PRTG: variants seen among roughly 807,000 people sequenced by gnomAD.
PRTG encodes immunoglobulin superfamily, DCC subclass, member 5.
A neutral mutation model predicts 122.5 loss-of-function variants in PRTG; 67 were observed. The observed-to-expected ratio is 0.55, with a 90% CI of 0.45 to 0.67. The LOEUF is 0.67. Among genes scored for constraint, PRTG ranks in the 30% least tolerant of loss-of-function variants. The probability of loss-of-function intolerance (pLI) is 0.00; values close to 1 mark genes in which losing one functional copy is unlikely to be tolerated. For synonymous variants in PRTG, 554 were observed against 501.1 expected (o/e 1.11, Z -1.41); for missense variants, 1,435 against 1,415.4 (o/e 1.01, Z -0.22).
intron 2 of PRTG, among the ~76,000 whole-genome samples, chr15:55,730,789 A>G (rs2031204401): frequency 6.6e-6 from 1 of 152,068 alleles, no homozygotes; most frequent in African/African-American, 2.4e-5. Context: ...AACAGAGAGC[A>G]AGACTCTGTC....
intron 2 of PRTG, among the ~76,000 whole-genome samples, chr15:55,700,588 C>T (rs1161316600): frequency 6.6e-6 from 1 of 152,000 alleles, no homozygotes; most frequent in Non-Finnish European, 1.5e-5. Context: ...TGGAGACCAG[C>T]CTGGCCAACA....
intron 11 of PRTG, among the ~76,000 whole-genome samples, chr15:55,671,150 C>T (rs111884025): frequency 0.012 from 1,790 of 152,300 alleles, 12 homozygotes; most frequent in Middle Eastern, 0.02. Context: ...CCCACCACTG[C>T]TTCTTACTGT....
chr15:55,620,224 C>T lies in PRTG; in HGVS notation c.3241G>A (p.Gly1081Ser), dbSNP rs767306231. 6.2e-7 allele frequency: 1 copy of T among 1,614,160 alleles called. No homozygotes were observed. The highest frequency in any genetic ancestry group is 8.5e-7 in the Non-Finnish European group (1 of 1,180,026). ...TCATCACTGATTAATACAGTGGTGC[C>T]TGGCTGGTAAAAGCAGACCGCTGGA... Reference protein sequence around the residue: ...FTPAVCFYQPGTTVLISDEDS... With the variant: ...FTPAVCFYQPSTTVLISDEDS... The change falls in exon 20 of 20, where the codon GGC (glycine) becomes AGC (serine). Residue 1081 changes from glycine to serine, a missense_variant. By Grantham distance (56) the Gly-to-Ser change is moderately conservative. Transcript: ENST00000389286.
Position 55,616,072 on chromosome 15 carries a change from T to C in PRTG, c.*3940A>G, listed in dbSNP as rs1035124656. On this transcript the variant is annotated 3_prime_UTR_variant, in exon 20 of 20. Coordinates refer to ENST00000389286, the MANE Select transcript of PRTG (RefSeq NM_173814.6). ...ATAGCATGTGACACTAAGAATCTAATTTCTTTGGTATGGCAAAACTGATTT... is the reference window on the plus strand; with the variant it reads ...ATAGCATGTGACACTAAGAATCTAACTTCTTTGGTATGGCAAAACTGATTT... 5.9e-5 allele frequency: 9 copies of C among 152,258 alleles called. No homozygotes were observed. In the East Asian group the frequency reaches 1.5e-3, roughly 26 times the overall value. The allele number at this position is 152,258 out of a possible 1,614,324, so 9.4% of individuals were successfully genotyped here. A position where few individuals can be genotyped will look rare whatever the true frequency, so the allele number is the denominator to read the frequency against.
At position 55,648,631 on chromosome 15, in the gene PRTG, C is replaced by G. The variant is rs560064453; in HGVS notation, c.2042-7423G>C. ...AGGTTGGGAGATATTCAGAAAACAG[C>G]TGAATTCTAGTATCTGAGTATCTGA... On this transcript the variant is annotated intron_variant, in intron 11 of 19. Coordinates refer to ENST00000389286, the MANE Select transcript of PRTG (RefSeq NM_173814.6). Among the ~76,000 whole-genome samples, 8 of 152,238 alleles carry G rather than the reference C, an allele frequency of 5.3e-5. No homozygotes were observed. In the East Asian group the frequency reaches 1.5e-3, roughly 29 times the overall value.
intron 8 of PRTG, among the ~76,000 whole-genome samples, chr15:55,675,997 C>T (rs1023073743): frequency 3.2e-4 from 49 of 152,142 alleles, no homozygotes; most frequent in South Asian, 6.2e-4. Context: ...CTTAACACAA[C>T]AGAATATTGT....
intron 11 of PRTG, among the ~76,000 whole-genome samples, chr15:55,641,675 T>A (rs1040699172): frequency 6.6e-6 from 1 of 152,208 alleles, no homozygotes; most frequent in Non-Finnish European, 1.5e-5. Flanking sequence ...ATTACAATTG[T>A]CATTCTTTAG....
chr15:55,646,384 A>G (rs1026588981), intron 11 of PRTG, among the ~76,000 whole-genome samples: 18 of 149,590 alleles, frequency 1.2e-4, no homozygotes, highest in South Asian at 4.2e-4. Flanking sequence ...GTGCAGTGGC[A>G]CGATCTCAGC....
Position 55,677,826 on chromosome 15 carries a change from G to A in PRTG, c.1352C>T (p.Ala451Val). 1 of 1,613,758 alleles carries A rather than the reference G, an allele frequency of 6.2e-7. No homozygotes were observed. Among genetic ancestry groups the A allele is most frequent in the Non-Finnish European group, 8.5e-7 (1 of 1,179,766 alleles). ...TGCTTTCATGTAGTGTACAGAATAG[G>A]CAATGACTTTGTCTGAATTATAAAG... ...RPLYNSDKVI[A>V]YSVHYMKAEG... Residue 451 changes from alanine (A) to valine (V), a missense_variant, in exon 8 of 20, where the codon GCC becomes GTC. Transcript: ENST00000389286.
chr15:55,621,180 C>T (rs1359128716), intron 18 of PRTG, among the ~76,000 whole-genome samples: 1 of 151,998 alleles, frequency 6.6e-6, no homozygotes, highest in South Asian at 2.1e-4. Context: ...GGTGAAACCC[C>T]GTCTCTACTA....
In PRTG at chr15:55,616,195, G is replaced by A. The variant is rs1411582340; in HGVS notation, c.*3817C>T. ...TTAAAAATTTTTTCCCTTTACCCAA[G>A]GTTCCATTAAAGTTTGAAAACTGAG... On this transcript the variant is annotated 3_prime_UTR_variant, in exon 20 of 20. Coordinates refer to ENST00000389286, the MANE Select transcript of PRTG (RefSeq NM_173814.6). The A allele has an allele frequency of 2.0e-5, 3 of 152,080 alleles. No homozygotes were observed. The highest frequency in any genetic ancestry group is 7.2e-5 in the African/African-American group (3 of 41,418). The allele number at this position is 152,080 out of a possible 1,614,324, so 9.4% of individuals were successfully genotyped here.
Position 55,642,151 on chromosome 15 carries a change from G to C in PRTG, c.2042-943C>G, listed in dbSNP as rs1305641847. Among the ~76,000 whole-genome samples the C allele has an allele frequency of 1.3e-3, 174 of 137,766 alleles. 3 individuals are homozygous for C. The highest frequency in any genetic ancestry group is 2.3e-3 in the Non-Finnish European group (151 of 66,310). 90.4% of individuals were successfully genotyped at this position (137,766 alleles called of 152,430 possible). On this transcript the variant is annotated intron_variant, in intron 11 of 19. Transcript: ENST00000389286. The stretch of plus-strand genomic sequence containing the variant: ...ATTGCGCCACTGCAGTCCGCAGTCC[G>C]GCCTGGGCGACAGAGCGAGACTCCG...
chr15:55,728,766 A>AG (rs111871907), intron 2 of PRTG, among the ~76,000 whole-genome samples: 148,380 of 152,198 alleles, frequency 0.97, 72,448 homozygotes, highest in East Asian at 1. Flanking sequence ...TTAGTCTAAA[A>AG]AAAAAAAAGG....
chr15:55,635,036 T>A (rs2141727107), intron 15 of PRTG, among the ~76,000 whole-genome samples: 1 of 149,298 alleles, frequency 6.7e-6, no homozygotes, highest in South Asian at 2.2e-4. Context: ...CTTCCTCTCT[T>A]CTCTTCCTGA....
chr15:55,665,863 T>C (rs1204383054), intron 11 of PRTG, among the ~76,000 whole-genome samples: 1 of 152,198 alleles, frequency 6.6e-6, no homozygotes, highest in Admixed American at 6.5e-5. Flanking sequence ...GTACCCAGCC[T>C]GAATAAAATG....
At chr15:55,629,198 T>C (rs774199137) in intron 15 of PRTG, among the ~76,000 whole-genome samples, 194 bp from the exon 16 acceptor site, 55 of 152,188 alleles carry the variant, frequency 3.6e-4, no homozygotes, top group African/African-American at 5.6e-4. Flanking sequence ...GTATTTTGTG[T>C]GTGCATACGT....
rs373767803 is a variant in PRTG, at chr15:55,740,592, G to A, written c.187C>T (p.His63Tyr). 1 of 1,613,974 alleles carries A rather than the reference G, an allele frequency of 6.2e-7. No homozygotes were observed. The highest frequency in any genetic ancestry group is 8.5e-7 in the Non-Finnish European group (1 of 1,179,984). Residue 63 changes from histidine to tyrosine, a missense_variant, in exon 2 of 20, where the codon CAC becomes TAC. Transcript: ENST00000389286. ...GTGACCTTAATAGGAACTTCTCCGT[G>A]AGCCTGGCAATCTAAAACGACTGGG... ...KDPVVLDCQA[H>Y]GEVPIKVTWL...
intron 11 of PRTG, among the ~76,000 whole-genome samples, chr15:55,643,806 T>C (rs1035807977): frequency 1.1e-4 from 16 of 152,070 alleles, no homozygotes; most frequent in Non-Finnish European, 2.2e-4. Context: ...ACAAGACCTC[T>C]AAATTTACAC....
At position 55,619,972 on chromosome 15, in the gene PRTG, C is replaced by A; in HGVS notation, c.*40G>T. On this transcript the variant is annotated 3_prime_UTR_variant, in exon 20 of 20. Transcript: ENST00000389286. ...ACACAGCAGGGTCTTCACACTTCCT[C>A]AATGCGGAATCTCCACCTGAATCAC... 6.2e-7 allele frequency: 1 copy of A among 1,608,602 alleles called. No individual in the cohort carries two copies. The highest frequency in any genetic ancestry group is 1.7e-5 in the Admixed American group (1 of 59,786).
Sources: gnomAD v4.1 joint callset for allele counts (sites outside exome capture counted in the v4.1 genomes callset) on GRCh38, gnomAD v4.1.1 for gene constraint, MANE v1.5 for transcripts, NCBI Gene and HGNC (gene_info 2026-07-23, HGNC 2026-07-21) for gene names.